The following MYO5A variants were observed in gnomAD, a reference collection of about 807,000 sequenced individuals.
MYO5A encodes myosin VA.
A neutral mutation model predicts 249.7 loss-of-function variants in MYO5A; 98 were observed. That is an observed-to-expected ratio of 0.39 (90% CI 0.33 to 0.46). The LOEUF is 0.46. Ranked by LOEUF, MYO5A falls within the 20% of genes least tolerant of loss-of-function variation. The pLI, the probability that MYO5A is intolerant of heterozygous loss-of-function variation, is 0.98. For missense variants in MYO5A, 1,696 were observed against 2,308.8 expected, an observed-to-expected ratio of 0.73 and a Z score of 5.44; for synonymous variants, 778 against 810.6, an observed-to-expected ratio of 0.96 and a Z score of 0.68.
chr15:52,346,563 C>G (rs1379267998), intron 29 of MYO5A, 102 bp from the exon 30 acceptor site: 1 of 761,906 alleles, frequency 1.3e-6, no homozygotes, highest in Non-Finnish European at 2.3e-6. Flanking sequence ...GTTATGTGCT[C>G]CACCATACCT....
Position 52,375,354 on chromosome 15 carries a change from C to T in MYO5A, c.2527G>A (p.Val843Ile), listed in dbSNP as rs374266181. 5 of 1,613,956 alleles carry T rather than the reference C, an allele frequency of 3.1e-6. No individual in the cohort carries two copies. The African/African-American group carries it at 6.7e-5, about 22-fold the overall frequency. ...AAGCCTCGCAAGTAAGACTGAAGAA[C>T]GATAGTGGCAGCTCGTCTAATCTTG... is the stretch of plus-strand genomic sequence containing the variant. ...RYKIRRAATI[V>I]LQSYLRGFLA... The change falls in exon 20 of 42, where the codon GTT becomes ATT. Residue 843 changes from valine (V) to isoleucine (I), a missense_variant. Val to Ile is a conservative substitution (Grantham distance 29). This residue lies in a region of MYO5A where 412 missense variants were observed against 453.3 expected (regional missense o/e 0.91). Transcript: ENST00000399233.
intron 28 of MYO5A, among the ~76,000 whole-genome samples, 173 bp downstream of exon 28, chr15:52,351,081 T>C (rs2039924204): frequency 6.6e-6 from 1 of 152,308 alleles, no homozygotes; most frequent in Non-Finnish European, 1.5e-5. Context: ...TCATTCCAAT[T>C]TATACTTACA....
intron 30 of MYO5A, among the ~76,000 whole-genome samples, chr15:52,345,351 G>C (rs1448919707): frequency 6.6e-6 from 1 of 152,142 alleles, no homozygotes; most frequent in Non-Finnish European, 1.5e-5. Context: ...GGAGGCCGAA[G>C]CGGGTGGATC....
At chr15:52,314,038 A>G (rs770311934) in intron 41 of MYO5A, 85 bp downstream of exon 41, 1 of 1,341,994 alleles carries the variant, frequency 7.5e-7, no homozygotes, top group Admixed American at 1.8e-5. Flanking sequence ...ATAATAAAAG[A>G]TAACACATTA....
intron 1 of MYO5A, among the ~76,000 whole-genome samples, chr15:52,490,457 G>A (rs2076912344): frequency 1.3e-5 from 2 of 152,178 alleles, no homozygotes; most frequent in Non-Finnish European, 2.9e-5. Flanking sequence ...GAACCTTGAG[G>A]AAATTCTGAA....
At chr15:52,380,748 C>G (rs907766470) in intron 16 of MYO5A, among the ~76,000 whole-genome samples, 7 of 152,186 alleles carry the variant, frequency 4.6e-5, no homozygotes, top group African/African-American at 1.7e-4. Context: ...GCCTGGGTGA[C>G]AGGGCGAGAC....
In MYO5A at chr15:52,330,206, C is replaced by A. The variant is rs78826640; in HGVS notation, c.4555+147G>T. On this transcript the variant is annotated intron_variant, in intron 35 of 41. Coordinates refer to ENST00000399233, the MANE Select transcript of MYO5A (RefSeq NM_001382347.1). Reference sequence around the variant, plus strand: ...TTGGACTGAAAGTGCTTGGTGTGGTCAGAACACTACTGCAGCACTAGAATA... The same window carrying A: ...TTGGACTGAAAGTGCTTGGTGTGGTAAGAACACTACTGCAGCACTAGAATA... 1.8e-3 allele frequency: 2,020 copies of A among 1,095,796 alleles called. 28 individuals are homozygous for A. In the African/African-American group the frequency reaches 0.028, roughly 15 times the overall value. 67.9% of individuals were successfully genotyped at this position (1,095,796 alleles called of 1,614,324 possible).
At chr15:52,447,456 TC>T (rs1334944003) in intron 1 of MYO5A, among the ~76,000 whole-genome samples, 1 of 152,190 alleles carries the variant, frequency 6.6e-6, no homozygotes, top group Non-Finnish European at 1.5e-5. Context: ...CCCAGGTATT[TC>T]TTTATAGCAA....
At chr15:52,498,927 A>C (rs1369311607) in intron 1 of MYO5A, among the ~76,000 whole-genome samples, 1 of 152,222 alleles carries the variant, frequency 6.6e-6, no homozygotes, top group African/African-American at 2.4e-5. Flanking sequence ...GAATTTCTAC[A>C]AATGTCTTGC....
chr15:52,452,732 C>T (rs2076044977), intron 1 of MYO5A, among the ~76,000 whole-genome samples: 1 of 151,812 alleles, frequency 6.6e-6, no homozygotes, highest in Non-Finnish European at 1.5e-5. Flanking sequence ...CCTGTAATCC[C>T]AGCTACTCAG....
At chr15:52,528,055 C>G (rs1314596856) in intron 1 of MYO5A, among the ~76,000 whole-genome samples, 1 of 152,192 alleles carries the variant, frequency 6.6e-6, no homozygotes, top group Non-Finnish European at 1.5e-5. Context: ...TAAGAAAAGA[C>G]TGCCACTTCC....
Position 52,440,278 on chromosome 15 carries a change from T to C in MYO5A, c.28-6993A>G, listed in dbSNP as rs141541163. Among the ~76,000 whole-genome samples, 68 of 152,088 alleles carry C rather than the reference T, an allele frequency of 4.5e-4. 1 individual carries two copies. The highest frequency in any genetic ancestry group is 1.2e-3 in the African/African-American group (50 of 41,528). The stretch of plus-strand genomic sequence containing the variant: ...ATCTTTTTTTTTTCTTTTTCTTTTT[T>C]TTTTTCTGAGATGGAGTCTCGCTCT... On this transcript the variant is annotated intron_variant, in intron 1 of 41. Transcript: ENST00000399233.
At chr15:52,499,110 T>C (rs2077100455) in intron 1 of MYO5A, among the ~76,000 whole-genome samples, 1 of 152,184 alleles carries the variant, frequency 6.6e-6, no homozygotes, top group Non-Finnish European at 1.5e-5. Flanking sequence ...GTATCTCCTT[T>C]TTTCTTTGCC....
At chr15:52,522,625 G>A (rs890663084) in intron 1 of MYO5A, among the ~76,000 whole-genome samples, 7 of 152,122 alleles carry the variant, frequency 4.6e-5, no homozygotes, top group African/African-American at 1.7e-4. Context: ...AGTGGACCAC[G>A]TACTCCTGAA....
chr15:52,360,100 AG>A lies in MYO5A; in HGVS notation c.3310-20del. On this transcript the variant is annotated intron_variant, in intron 24 of 41. Transcript: ENST00000399233. ...GCACATGCTGCAAGGCAAATAACCC[AG>A]GTATAATTAATGCAACATAATTAGT... is the stretch of plus-strand genomic sequence containing the variant. The A allele has an allele frequency of 6.6e-7, 1 of 1,522,384 alleles. No individual in the cohort carries two copies. Among genetic ancestry groups the A allele is most frequent in the Non-Finnish European group, 9.1e-7 (1 of 1,098,598 alleles). The allele number at this position is 1,522,384 out of a possible 1,614,324, so 94.3% of individuals were successfully genotyped here.
intron 1 of MYO5A, among the ~76,000 whole-genome samples, chr15:52,464,392 A>G (rs2141425513): frequency 6.6e-6 from 1 of 152,288 alleles, no homozygotes; most frequent in East Asian, 1.9e-4. Context: ...CACTGCCTAG[A>G]ACACCTTCCC....
At chr15:52,386,796 C>A (rs970246529) in intron 14 of MYO5A, among the ~76,000 whole-genome samples, 17 of 152,166 alleles carry the variant, frequency 1.1e-4, no homozygotes, top group African/African-American at 4.1e-4. Context: ...AGTCTGCCTG[C>A]CTCGGCCTCC....
Position 52,331,468 on chromosome 15 carries a change from T to A in MYO5A, c.4409-969A>T, listed in dbSNP as rs951987751. Among the ~76,000 whole-genome samples, 4 of 152,244 alleles carry A rather than the reference T, an allele frequency of 2.6e-5. No homozygotes were observed. The South Asian group carries it at 8.3e-4, about 31-fold the overall frequency. ...CTAGTAACCAGGTTTTTTATCCTTT[T>A]ATCTACAGGGAGGGAGAGTGGTTAA... On this transcript the variant is annotated intron_variant, in intron 34 of 41. Transcript: ENST00000399233.
At chr15:52,325,851 C>G (rs2038579622) in intron 36 of MYO5A, among the ~76,000 whole-genome samples, 1 of 152,128 alleles carries the variant, frequency 6.6e-6, no homozygotes, top group African/African-American at 2.4e-5. Flanking sequence ...AATGCCAACT[C>G]TTTACCTAAG....
Sources: gnomAD v4.1 joint callset for allele counts (sites outside exome capture counted in the v4.1 genomes callset) on GRCh38, gnomAD v4.1.1 for gene constraint, gnomAD v4.1.1 regional missense constraint, MANE v1.5 for transcripts, NCBI Gene and HGNC (gene_info 2026-07-23, HGNC 2026-07-21) for gene names.